The following SYT14 variants were observed in gnomAD, a reference collection of about 807,000 sequenced individuals.
The protein encoded by SYT14 is synaptotagmin-14.
A neutral mutation model predicts 74.2 loss-of-function variants in SYT14; 32 were observed. The observed-to-expected ratio is 0.43, with a 90% CI of 0.33 to 0.58. The LOEUF (loss-of-function observed/expected upper bound fraction) is 0.58, where lower values mean the gene tolerates loss of function less well. Among genes scored for constraint, SYT14 ranks in the 20% least tolerant of loss-of-function variants. The pLI, the probability that SYT14 is intolerant of heterozygous loss-of-function variation, is 0.05. For missense variants in SYT14, 791 were observed against 981.8 expected (o/e 0.81, Z 2.60); for synonymous variants, 298 against 337.7 (o/e 0.88, Z 1.29).
intron 7 of SYT14, among the ~76,000 whole-genome samples, chr1:210,103,035 G>T (rs764509947): frequency 1.6e-4 from 25 of 151,904 alleles, no homozygotes; most frequent in Non-Finnish European, 3.1e-4. Context: ...GTAACTTTTG[G>T]CAAGGAAAAG....
In SYT14 at chr1:209,973,386, G is replaced by A. The variant is rs565958983; in HGVS notation, c.-486+20630G>A. ...CTCCCCTCACCCCACAACAGACCCCGGTGTGTGATGTTCCCCTTCCTGTGT... is the reference window on the plus strand; with the variant it reads ...CTCCCCTCACCCCACAACAGACCCCAGTGTGTGATGTTCCCCTTCCTGTGT... On this transcript the variant is annotated intron_variant, in intron 2 of 9. Coordinates refer to ENST00000637265, the Ensembl canonical transcript of SYT14. Among the ~76,000 whole-genome samples, 8 of 151,800 alleles carry A rather than the reference G, an allele frequency of 5.3e-5. No homozygotes were observed. The East Asian group carries it at 5.8e-4, about 11-fold the overall frequency.
intron 7 of SYT14, among the ~76,000 whole-genome samples, chr1:210,145,219 A>T (rs998973713): frequency 3.3e-5 from 5 of 152,182 alleles, no homozygotes; most frequent in Non-Finnish European, 7.4e-5. Flanking sequence ...AGGATATAAA[A>T]TGTGCACAAA....
At chr1:209,942,900 C>A (rs1412176952) in intron 1 of SYT14, among the ~76,000 whole-genome samples, 1 of 152,010 alleles carries the variant, frequency 6.6e-6, no homozygotes, top group Non-Finnish European at 1.5e-5. Context: ...TAGTGAGAAT[C>A]TATGTGTGTG....
At chr1:209,990,548 T>TACAC (rs59238920) in intron 2 of SYT14, among the ~76,000 whole-genome samples, 2 of 68,048 alleles carry the variant, frequency 2.9e-5, no homozygotes, top group African/African-American at 6.9e-5. Context: ...CGTATATATA[T>TACAC]GTATATATAT....
At chr1:210,023,470 A>C (rs1007691485) in intron 5 of SYT14, among the ~76,000 whole-genome samples, 1 of 152,162 alleles carries the variant, frequency 6.6e-6, no homozygotes, top group African/African-American at 2.4e-5. Context: ...CAGCCTCCCG[A>C]GTAGCTGGGA....
chr1:210,106,028 A>G (rs113560104), intron 7 of SYT14, among the ~76,000 whole-genome samples: 55 of 152,300 alleles, frequency 3.6e-4, no homozygotes, highest in African/African-American at 1.3e-3. Flanking sequence ...TTGCCCAGGT[A>G]TGTCTTTTTA....
At chr1:210,072,972 A>G (rs1309342382) in intron 5 of SYT14, among the ~76,000 whole-genome samples, 2 of 149,548 alleles carry the variant, frequency 1.3e-5, no homozygotes, top group Non-Finnish European at 3.0e-5. Context: ...CTTTTAAGAC[A>G]AAATTCTTTA....
chr1:209,954,056 C>T (rs139065251), intron 2 of SYT14, among the ~76,000 whole-genome samples: 128 of 152,288 alleles, frequency 8.4e-4, no homozygotes, highest in African/African-American at 2.8e-3. Flanking sequence ...ATTATCCAGT[C>T]CCACTAAAAC....
chr1:210,059,552 G>A (rs943485298), intron 5 of SYT14, among the ~76,000 whole-genome samples: 4 of 151,124 alleles, frequency 2.6e-5, no homozygotes, highest in Non-Finnish European at 5.9e-5. Context: ...TACTGTCAGA[G>A]TTGTGGGCCC....
At chr1:209,989,401 G>T (rs1364848949) in intron 2 of SYT14, among the ~76,000 whole-genome samples, 1 of 152,076 alleles carries the variant, frequency 6.6e-6, no homozygotes, top group South Asian at 2.1e-4. Context: ...GGACAATGTA[G>T]GTTTATGAAT....
intron 2 of SYT14, among the ~76,000 whole-genome samples, chr1:210,003,712 A>G (rs1268781743): frequency 2.6e-5 from 4 of 152,180 alleles, no homozygotes; most frequent in African/African-American, 9.6e-5. Flanking sequence ...CTTGCTGACC[A>G]GTCACTTGCT....
chr1:209,948,410 T>C (rs1450742735), intron 1 of SYT14, among the ~76,000 whole-genome samples: 1 of 152,174 alleles, frequency 6.6e-6, no homozygotes, highest in Non-Finnish European at 1.5e-5. Context: ...TTATGCCAAT[T>C]GTAGAGGATT....
intron 7 of SYT14, among the ~76,000 whole-genome samples, chr1:210,129,766 A>C (rs1445380105): frequency 1.3e-5 from 2 of 152,214 alleles, no homozygotes; most frequent in African/African-American, 4.8e-5. Flanking sequence ...AATATGCTTA[A>C]TTGGCTATGA....
intron 1 of SYT14, among the ~76,000 whole-genome samples, chr1:209,939,126 C>T (rs896974634): frequency 6.6e-6 from 1 of 152,104 alleles, no homozygotes; most frequent in Non-Finnish European, 1.5e-5. Flanking sequence ...CTATATTTTG[C>T]CTTGTTTTTA....
At chr1:210,164,191 T>C (rs2083430096) in exon 10 of SYT14, 4 of 351,906 alleles carry the variant, frequency 1.1e-5, no homozygotes, top group Non-Finnish European at 2.2e-5. Flanking sequence ...AATCCACTTT[T>C]GTTTGAAATC....
intron 7 of SYT14, among the ~76,000 whole-genome samples, chr1:210,144,344 T>C (rs1238022141): frequency 6.6e-6 from 1 of 152,148 alleles, no homozygotes; most frequent in Non-Finnish European, 1.5e-5. Context: ...TTCCCTAATA[T>C]ATTAACAAGT....
intron 5 of SYT14, among the ~76,000 whole-genome samples, chr1:210,083,147 A>G (rs1400916685): frequency 1.3e-5 from 2 of 151,838 alleles, no homozygotes; most frequent in Non-Finnish European, 1.5e-5. Context: ...TGCCCAGCTA[A>G]TTTTTGGGGT....
At chr1:210,011,719 C>T (rs912112223) in intron 2 of SYT14, among the ~76,000 whole-genome samples, 5 of 152,142 alleles carry the variant, frequency 3.3e-5, no homozygotes, top group African/African-American at 1.2e-4. Flanking sequence ...TTTGCCATCG[C>T]CCTCTGATTT....
At chr1:210,028,201 C>T (rs1249138021) in intron 5 of SYT14, among the ~76,000 whole-genome samples, 2 of 152,092 alleles carry the variant, frequency 1.3e-5, no homozygotes, top group African/African-American at 2.4e-5. Context: ...AGCATGATGT[C>T]ATCAAGATTC....
Sources: allele counts gnomAD v4.1 joint callset (sites outside exome capture counted in the v4.1 genomes callset), GRCh38; gene constraint gnomAD v4.1.1; transcripts MANE v1.5; gene names NCBI Gene and HGNC (gene_info 2026-07-23, HGNC 2026-07-21).